KLHL3: variants seen among roughly 807,000 people sequenced by gnomAD.
The protein encoded by KLHL3 is kelch-like protein 3.
KLHL3 carries 19 observed loss-of-function variants against 70.5 expected under a neutral mutation model. The ratio of observed to expected loss-of-function variants is 0.27; its 90% CI spans 0.19 to 0.40. The LOEUF is 0.40. KLHL3 is among the 10% of genes least tolerant of loss of function. The pLI is 1.00. For synonymous variants in KLHL3, 258 were observed against 290.3 expected (o/e 0.89, Z 1.13); for missense variants, 512 against 771.1 (o/e 0.66, Z 3.98).
In KLHL3 at chr5:137,682,403, T is replaced by TAGAGAG. The variant is rs10578622; in HGVS notation, c.527-4755_527-4750dup. 8.6e-3 allele frequency among the ~76,000 whole-genome samples: 1,150 copies of TAGAGAG among 133,446 alleles called. 22 individuals are homozygous for TAGAGAG. The highest frequency in any genetic ancestry group is 0.024 in the African/African-American group (870 of 35,904). The allele number at this position is 133,446 out of a possible 152,430, so 87.5% of individuals were successfully genotyped here. A position where few individuals can be genotyped will look rare whatever the true frequency, so the allele number is the denominator to read the frequency against. On this transcript the variant is annotated intron_variant, in intron 5 of 14. Coordinates refer to ENST00000309755, the MANE Select transcript of KLHL3 (RefSeq NM_017415.3). ...GAATCCCTCTCAGGGGTGCTGGACA[T>TAGAGAG]AGAGAGAGAGAGAGAGAGAGAGAGA...
chr5:137,634,939 G>A (rs1750731337), intron 11 of KLHL3, among the ~76,000 whole-genome samples: 1 of 152,172 alleles, frequency 6.6e-6, no homozygotes, highest in South Asian at 2.1e-4. Context: ...CAAACATTTT[G>A]GGTTTAAAAT....
chr5:137,644,089 G>C (rs537327103), intron 8 of KLHL3, among the ~76,000 whole-genome samples: 1 of 151,924 alleles, frequency 6.6e-6, no homozygotes, highest in African/African-American at 2.4e-5. Flanking sequence ...TAATTTTTTA[G>C]ACAGAGTCTC....
At chr5:137,636,352 T>C (rs529933915) in intron 11 of KLHL3, among the ~76,000 whole-genome samples, 134 of 152,370 alleles carry the variant, frequency 8.8e-4, no homozygotes, top group African/African-American at 2.8e-3. Context: ...AGAGATGGAA[T>C]GTCTGCATAC....
chr5:137,666,769 A>C (rs1285044330), intron 6 of KLHL3, among the ~76,000 whole-genome samples: 1 of 152,200 alleles, frequency 6.6e-6, no homozygotes, highest in Non-Finnish European at 1.5e-5. Flanking sequence ...TCATGCTTGA[A>C]AAATAAACAA....
chr5:137,710,514 G>A (rs1484908192), intron 2 of KLHL3, among the ~76,000 whole-genome samples: 1 of 152,142 alleles, frequency 6.6e-6, no homozygotes. Context: ...CTTATTTAAT[G>A]TTGTATCCTA....
chr5:137,734,844 C>A (rs1286491759), intron 1 of KLHL3, among the ~76,000 whole-genome samples: 3 of 152,198 alleles, frequency 2.0e-5, no homozygotes, highest in African/African-American at 7.2e-5. Context: ...GCGCTGAGCA[C>A]CTTCACAATG....
At position 137,619,242 on chromosome 5, in the gene KLHL3, G is replaced by T. The variant is rs1307084865; in HGVS notation, c.*2856C>A. ...GGGGATATTGCAACTGGCTTGTCGGGAACTAGAATTAAGTATTCTTATTGC... is the reference window on the plus strand; with the variant it reads ...GGGGATATTGCAACTGGCTTGTCGGTAACTAGAATTAAGTATTCTTATTGC... On this transcript the variant is annotated 3_prime_UTR_variant, in exon 15 of 15. Coordinates refer to ENST00000309755, the MANE Select transcript of KLHL3 (RefSeq NM_017415.3). The T allele has an allele frequency of 1.3e-5, 2 of 152,626 alleles. No homozygotes were observed. Among genetic ancestry groups the T allele is most frequent in the Admixed American group, 6.5e-5 (1 of 15,286 alleles). 9.5% of individuals were successfully genotyped at this position (152,626 alleles called of 1,614,324 possible).
chr5:137,628,530 G>C (rs1415047726), intron 12 of KLHL3, 93 bp from the exon 13 acceptor site: 1 of 1,444,520 alleles, frequency 6.9e-7, no homozygotes, highest in African/African-American at 1.4e-5. Context: ...GCCCTGACCA[G>C]TGAGGGGACT....
At chr5:137,694,105 A>G (rs1266867165) in intron 4 of KLHL3, among the ~76,000 whole-genome samples, 1 of 152,024 alleles carries the variant, frequency 6.6e-6, no homozygotes, top group Non-Finnish European at 1.5e-5. Flanking sequence ...CCCTGCCCAC[A>G]GACAATAACC....
At chr5:137,647,509 CG>C (rs1416952270) in intron 8 of KLHL3, 3 of 470,808 alleles carry the variant, frequency 6.4e-6, no homozygotes, top group Non-Finnish European at 1.3e-5. Context: ...CTTTTTTCAT[CG>C]GGCAAGAGTA....
chr5:137,640,785 G>A (rs1750895557), intron 8 of KLHL3, among the ~76,000 whole-genome samples: 1 of 152,156 alleles, frequency 6.6e-6, no homozygotes, highest in Non-Finnish European at 1.5e-5. Flanking sequence ...ACAGCTTGCT[G>A]CATCTATGTT....
chr5:137,653,899 A>G (rs1040414152), intron 8 of KLHL3, among the ~76,000 whole-genome samples: 1 of 152,228 alleles, frequency 6.6e-6, no homozygotes, highest in African/African-American at 2.4e-5. Context: ...ATACAATGGA[A>G]TGTTACTTAG....
chr5:137,649,436 C>G (rs1156966805), intron 8 of KLHL3, among the ~76,000 whole-genome samples: 1 of 152,206 alleles, frequency 6.6e-6, no homozygotes, highest in Non-Finnish European at 1.5e-5. Flanking sequence ...TGGCAAGAAA[C>G]AGGCCTGCCA....
intron 5 of KLHL3, among the ~76,000 whole-genome samples, chr5:137,689,472 A>C (rs1001038023): frequency 6.6e-6 from 1 of 152,250 alleles, no homozygotes; most frequent in African/African-American, 2.4e-5. Flanking sequence ...AATGTGGTAC[A>C]CCATGGAATA....
chr5:137,704,589 G>A (rs1298331342), intron 3 of KLHL3, among the ~76,000 whole-genome samples: 1 of 152,120 alleles, frequency 6.6e-6, no homozygotes, highest in Non-Finnish European at 1.5e-5. Context: ...CTCCAATGGT[G>A]GTCTCAATTT....
chr5:137,689,355 TG>T (rs1322525453), intron 5 of KLHL3, among the ~76,000 whole-genome samples: 1 of 152,180 alleles, frequency 6.6e-6, no homozygotes, highest in Non-Finnish European at 1.5e-5. Flanking sequence ...GAGAATAAAT[TG>T]TTCTACCAAA....
intron 4 of KLHL3, among the ~76,000 whole-genome samples, chr5:137,694,055 T>G (rs1455787677): frequency 6.6e-6 from 1 of 151,958 alleles, no homozygotes; most frequent in East Asian, 1.9e-4. Context: ...TCCCAGGACT[T>G]TCAGGGCTAA....
intron 3 of KLHL3, among the ~76,000 whole-genome samples, chr5:137,699,519 G>C (rs1023194377): frequency 6.6e-6 from 1 of 152,150 alleles, no homozygotes; most frequent in South Asian, 2.1e-4. Context: ...CACATGCAGG[G>C]AGAACAGCTG....
intron 4 of KLHL3, among the ~76,000 whole-genome samples, chr5:137,695,487 T>C (rs1752425588): frequency 6.6e-6 from 1 of 152,108 alleles, no homozygotes; most frequent in African/African-American, 2.4e-5. Context: ...GAAAAAAAAG[T>C]CAAGGAAATC....
Sources: gnomAD v4.1 joint callset for allele counts (sites outside exome capture counted in the v4.1 genomes callset) on GRCh38, gnomAD v4.1.1 for gene constraint, MANE v1.5 for transcripts, NCBI Gene and HGNC (gene_info 2026-07-23, HGNC 2026-07-21) for gene names.